The following KCP variants were observed in gnomAD, a reference collection of about 807,000 sequenced individuals.
The protein encoded by KCP is kielin/chordin-like protein.
Under a neutral mutation model 212.7 loss-of-function variants are expected in KCP, and 194 were observed. The observed-to-expected ratio is 0.91, with a 90% confidence interval of 0.81 to 1.03. The LOEUF (loss-of-function observed/expected upper bound fraction) is 1.03. Ranked by LOEUF, KCP falls within the 50% of genes least tolerant of loss-of-function variation. The probability of loss-of-function intolerance (pLI) is 0.00; values close to 1 mark genes in which losing one functional copy is unlikely to be tolerated. For missense variants in KCP, 2,080 were observed against 2,162.5 expected, an observed-to-expected ratio of 0.96 and a Z score of 0.76; for synonymous variants, 833 against 865.3, an observed-to-expected ratio of 0.96 and a Z score of 0.65.
At chr7:128,890,541 C>A in intron 20 of KCP, 28 bp from the exon 21 acceptor site, 1 of 1,532,020 alleles carries the variant, frequency 6.5e-7, no homozygotes, top group Non-Finnish European at 8.8e-7. Context: ...GGCTGGGGGG[C>A]CGTGGGGACT....
At chr7:128,878,474 G>A in intron 38 of KCP, 84 bp downstream of exon 38, 1 of 1,414,138 alleles carries the variant, frequency 7.1e-7, no homozygotes, top group Non-Finnish European at 9.4e-7. Context: ...CCCCTTCCCT[G>A]CTTTCCATGC....
intron 1 of KCP, among the ~76,000 whole-genome samples, chr7:128,909,527 T>C (rs1795320252): frequency 6.6e-6 from 1 of 152,192 alleles, no homozygotes. Flanking sequence ...ACCCAGTTAC[T>C]TAAGCCAGAA....
Position 128,879,818 on chromosome 7 carries a change from G to A in KCP, c.3944C>T (p.Thr1315Ile). ...CHSGDFSVHV[T>I]NDDRGRSGVA... ...ACCGCTCCGGCCCCGGTCATCATTG[G>A]TCACGTGCACACTGTGGGCAGGAAA... Residue 1315 changes from threonine (T) to isoleucine (I), a missense_variant, in exon 36 of 40, where the codon ACC (threonine) becomes ATC (isoleucine). Thr to Ile is a moderately conservative substitution (Grantham distance 89). Transcript: ENST00000610776. 1 of 1,550,944 alleles carries A rather than the reference G, an allele frequency of 6.4e-7. No individual in the cohort carries two copies. The highest frequency in any genetic ancestry group is 8.7e-7 in the Non-Finnish European group (1 of 1,146,956).
chr7:128,899,234 AATT>A (rs1423047789), intron 8 of KCP, among the ~76,000 whole-genome samples: 2 of 152,234 alleles, frequency 1.3e-5, no homozygotes, highest in African/African-American at 4.8e-5. Context: ...TGTTATGTGA[AATT>A]ATTATATGCC....
At chr7:128,888,061 TACACAG>T (rs1793807038) in intron 22 of KCP, among the ~76,000 whole-genome samples, 1 of 92,928 alleles carries the variant, frequency 1.1e-5, no homozygotes, top group Non-Finnish European at 2.1e-5. Flanking sequence ...ACATCCCACA[TACACAG>T]ACACAAATAC....
At chr7:128,879,021 G>C (rs1490803800) in intron 37 of KCP, 1 of 438,056 alleles carries the variant, frequency 2.3e-6, no homozygotes, top group African/African-American at 2.0e-5. Flanking sequence ...ACCCCCTTCC[G>C]GGGATTCACT....
chr7:128,893,515 A>C (rs2128948074), intron 11 of KCP, 39 bp from the exon 12 acceptor site: 1 of 1,424,134 alleles, frequency 7.0e-7, no homozygotes, highest in East Asian at 2.5e-5. Context: ...ATAGGGCTGG[A>C]GGCAGAGGGG....
In KCP at chr7:128,894,308, G is replaced by A. The variant is rs1314505593; in HGVS notation, c.832-15C>T. 2.0e-6 allele frequency: 3 copies of A among 1,521,316 alleles called. No individual in the cohort carries two copies. The highest frequency in any genetic ancestry group is 2.7e-6 in the Non-Finnish European group (3 of 1,128,678). 94.2% of individuals were successfully genotyped at this position (1,521,316 alleles called of 1,614,324 possible). A position where few individuals can be genotyped will look rare whatever the true frequency, so the allele number is the denominator to read the frequency against. ...ATGTGACCCTCCTGGTGGGGAGAAT[G>A]AACAGGGGAAGGGGCCGACAGGGCT... is the stretch of plus-strand genomic sequence containing the variant. On this transcript the variant is annotated splice_polypyrimidine_tract_variant and intron_variant, in intron 8 of 39. Coordinates refer to ENST00000610776, the MANE Select transcript of KCP (RefSeq NM_001366122.1).
intron 29 of KCP, among the ~76,000 whole-genome samples, chr7:128,883,745 A>C (rs1471691205): frequency 6.6e-6 from 1 of 152,204 alleles, no homozygotes; most frequent in Non-Finnish European, 1.5e-5. Flanking sequence ...CTCACGTCTC[A>C]GCACAACTGT....
Position 128,880,607 on chromosome 7 carries a change from C to G in KCP, c.3616+12G>C, listed in dbSNP as rs1228590107. 1 of 1,270,046 alleles carries G rather than the reference C, an allele frequency of 7.9e-7. No individual in the cohort carries two copies. Among genetic ancestry groups the G allele is most frequent in the African/African-American group, 1.5e-5 (1 of 65,026 alleles). 78.7% of individuals were successfully genotyped at this position (1,270,046 alleles called of 1,614,324 possible). On this transcript the variant is annotated intron_variant, in intron 33 of 39. Coordinates refer to ENST00000610776, the MANE Select transcript of KCP (RefSeq NM_001366122.1). ...TCTGGCTTACCCCTCCCCCATCACC[C>G]TGGCTGCGCACCTTGGCATCGCTCA...
chr7:128,892,629 A>T (rs1794232239), intron 15 of KCP, 22 bp from the exon 16 acceptor site: 1 of 1,550,968 alleles, frequency 6.4e-7, no homozygotes, highest in Admixed American at 2.0e-5. Flanking sequence ...CAGGGGAGAG[A>T]GCAATCGGGG....
At chr7:128,905,783 T>C (rs575339395) in intron 5 of KCP, among the ~76,000 whole-genome samples, 9 of 152,074 alleles carry the variant, frequency 5.9e-5, no homozygotes, top group Non-Finnish European at 1.3e-4. Flanking sequence ...CTCTCCACCC[T>C]GTCCTTGTGC....
intron 8 of KCP, among the ~76,000 whole-genome samples, chr7:128,899,770 G>C (rs1402108252): frequency 1.5e-5 from 2 of 132,482 alleles, no homozygotes; most frequent in Admixed American, 1.4e-4. Flanking sequence ...GTTTTCTTTT[G>C]TAACAGGTCA....
At chr7:128,883,022 GC>G (rs1317363635) in intron 29 of KCP, among the ~76,000 whole-genome samples, 1 of 151,508 alleles carries the variant, frequency 6.6e-6, no homozygotes, top group Non-Finnish European at 1.5e-5. Context: ...CCGAGATTGT[GC>G]CACCGCACTC....
intron 7 of KCP, 93 bp from the exon 8 acceptor site, chr7:128,902,952 T>G: frequency 1.1e-6 from 1 of 932,546 alleles, no homozygotes; most frequent in African/African-American, 1.6e-5. Context: ...ACATGCCCTC[T>G]GAGGGCTCTC....
At chr7:128,893,925 C>T (rs1386272276) in intron 10 of KCP, 26 bp from the exon 11 acceptor site, 1 of 1,550,484 alleles carries the variant, frequency 6.4e-7, no homozygotes, top group Non-Finnish European at 8.7e-7. Flanking sequence ...GGTCAGCACG[C>T]CAGAGGCAGG....
In KCP at chr7:128,891,293, ACGCACCACGGGT is replaced by A; in HGVS notation, c.1879-27_1879-16del. The A allele has an allele frequency of 6.5e-7, 1 of 1,547,560 alleles. No individual in the cohort carries two copies. Among genetic ancestry groups the A allele is most frequent in the East Asian group, 2.4e-5 (1 of 40,890 alleles). On this transcript the variant is annotated splice_polypyrimidine_tract_variant and intron_variant, in intron 18 of 39. Coordinates refer to ENST00000610776, the MANE Select transcript of KCP (RefSeq NM_001366122.1). ...ACGTTGCCGCTCTACGGACCGACAG[ACGCACCACGGGT>A]CAGTGGGTTAGTTGGGGGAGGCCGA...
intron 34 of KCP, 43 bp downstream of exon 34, chr7:128,880,343 C>T (rs1245349680): frequency 2.7e-6 from 4 of 1,483,746 alleles, no homozygotes; most frequent in South Asian, 1.4e-5. Flanking sequence ...TACCATGTGC[C>T]CCCACCCTGA....
intron 33 of KCP, 28 bp downstream of exon 33, chr7:128,880,591 C>T: frequency 7.5e-7 from 1 of 1,327,102 alleles, no homozygotes; most frequent in Non-Finnish European, 9.8e-7. Flanking sequence ...GTCTGGCTTA[C>T]CCCTCCCCCA....
Sources: allele counts gnomAD v4.1 joint callset (sites outside exome capture counted in the v4.1 genomes callset), GRCh38; gene constraint gnomAD v4.1.1; transcripts MANE v1.5; gene names NCBI Gene and HGNC (gene_info 2026-07-23, HGNC 2026-07-21).